The following DTNA variants were observed in gnomAD, a reference collection of about 807,000 sequenced individuals.
DTNA encodes dystrophin-related protein 3.
DTNA carries 43 observed loss-of-function variants against 100.7 expected under a neutral mutation model. The ratio of observed to expected loss-of-function variants is 0.43; its 90% CI spans 0.33 to 0.55. DTNA has a LOEUF of 0.55. Ranked by LOEUF, DTNA falls within the 20% of genes least tolerant of loss-of-function variation. The pLI is 0.04. For missense variants in DTNA, 798 were observed against 953.9 expected (o/e 0.84, Z 2.15); for synonymous variants, 349 against 347.9 (o/e 1.00, Z -0.04).
chr18:34,509,767 G>T (rs2040849626), intron 1 of DTNA, among the ~76,000 whole-genome samples: 1 of 151,894 alleles, frequency 6.6e-6, no homozygotes, highest in Non-Finnish European at 1.5e-5. Context: ...TTTTGTTTCT[G>T]TTTGATGCCT....
At chr18:34,787,394 T>G (rs928949287) in intron 3 of DTNA, among the ~76,000 whole-genome samples, 4 of 152,130 alleles carry the variant, frequency 2.6e-5, no homozygotes, top group Non-Finnish European at 5.9e-5. Context: ...AAAAAGAACA[T>G]CATGCTTAGA....
chr18:34,849,417 T>C (rs764169912), intron 14 of DTNA, among the ~76,000 whole-genome samples: 6 of 152,168 alleles, frequency 3.9e-5, no homozygotes, highest in Non-Finnish European at 7.3e-5. Flanking sequence ...TACCAAGATA[T>C]GGGATTAGCA....
intron 1 of DTNA, among the ~76,000 whole-genome samples, chr18:34,605,633 G>GCACACACACA (rs3078088): frequency 5.5e-4 from 78 of 142,330 alleles, no homozygotes; most frequent in African/African-American, 1.8e-3. Context: ...TGCAACTCAG[G>GCACACACACA]CACACACACA....
intron 1 of DTNA, among the ~76,000 whole-genome samples, chr18:34,730,346 A>T (rs1600981725): frequency 6.6e-6 from 1 of 152,212 alleles, no homozygotes; most frequent in African/African-American, 2.4e-5. Context: ...ATGTATGCAA[A>T]AGTGCTTTAA....
At chr18:34,501,209 A>C (rs1025864825) in intron 1 of DTNA, among the ~76,000 whole-genome samples, 1 of 152,220 alleles carries the variant, frequency 6.6e-6, no homozygotes, top group Non-Finnish European at 1.5e-5. Context: ...TCTTCACCAA[A>C]TGATGTGATC....
chr18:34,555,413 A>G lies in DTNA; in HGVS notation c.-2+61899A>G, dbSNP rs1233129842. ...TGATTTTAGTTATTTCTTGCCTTCT[A>G]CTAGCTTTTGAATGTGTTTGCTCTT... On this transcript the variant is annotated intron_variant, in intron 1 of 19. Transcript: ENST00000283365. 1.0e-3 allele frequency among the ~76,000 whole-genome samples: 153 copies of G among 150,924 alleles called. 4 individuals carry two copies. Among genetic ancestry groups the G allele is most frequent in the Non-Finnish European group, 3.1e-4 (21 of 67,704 alleles).
At chr18:34,855,899 G>GAGGA (rs1299991174) in intron 15 of DTNA, among the ~76,000 whole-genome samples, 2 of 152,040 alleles carry the variant, frequency 1.3e-5, no homozygotes, top group Non-Finnish European at 2.9e-5. Flanking sequence ...GGGAAAGCAG[G>GAGGA]ACTTCTTTTG....
At chr18:34,663,945 A>G (rs1377052655) in intron 1 of DTNA, among the ~76,000 whole-genome samples, 1 of 152,198 alleles carries the variant, frequency 6.6e-6, no homozygotes, top group South Asian at 2.1e-4. Flanking sequence ...AGATTTTTTT[A>G]AAAACTATAC....
At chr18:34,667,796 C>T (rs1187895894) in intron 1 of DTNA, among the ~76,000 whole-genome samples, 1 of 152,110 alleles carries the variant, frequency 6.6e-6, no homozygotes, top group Non-Finnish European at 1.5e-5. Context: ...GGTGGATAAG[C>T]TTTTTGATGT....
chr18:34,507,671 A>G lies in DTNA; in HGVS notation c.-2+14157A>G, dbSNP rs146005360. Among the ~76,000 whole-genome samples, 70 of 152,300 alleles carry G rather than the reference A, an allele frequency of 4.6e-4. No individual in the cohort carries two copies. In the East Asian group the frequency reaches 0.011, roughly 24 times the overall value. ...TTGAAATTCTCACTCTACTAGAGCA[A>G]TGGTTCTCAAAGTGTTGGCCTCAGC... On this transcript the variant is annotated intron_variant, in intron 1 of 19. Coordinates refer to the DTNA transcript ENST00000283365.
intron 1 of DTNA, among the ~76,000 whole-genome samples, chr18:34,622,312 C>T (rs528804438): frequency 6.6e-6 from 1 of 152,106 alleles, no homozygotes; most frequent in African/African-American, 2.4e-5. Flanking sequence ...GATCAGAAGC[C>T]CCCTATACGT....
Position 34,652,499 on chromosome 18 carries a change from C to A in DTNA, c.-1-103477C>A, listed in dbSNP as rs187885711. 3.2e-4 allele frequency among the ~76,000 whole-genome samples: 48 copies of A among 152,304 alleles called. 1 individual carries two copies. The highest frequency in any genetic ancestry group is 2.1e-3 in the Admixed American group (32 of 15,296). On this transcript the variant is annotated intron_variant, in intron 1 of 19. Transcript: ENST00000283365. ...ATGTTCTTCCTCAAATTTTAGAATT[C>A]AGGGAGCATTTACTGAGTAACTGGT... is the stretch of plus-strand genomic sequence containing the variant.
chr18:34,587,172 G>T (rs1001134922), intron 1 of DTNA, among the ~76,000 whole-genome samples: 34 of 151,222 alleles, frequency 2.2e-4, no homozygotes, highest in African/African-American at 8.3e-4. Flanking sequence ...TAGAGATGGG[G>T]TCTCACTATA....
At chr18:34,713,544 T>A (rs2083322242) in intron 1 of DTNA, among the ~76,000 whole-genome samples, 1 of 151,850 alleles carries the variant, frequency 6.6e-6, no homozygotes, top group African/African-American at 2.4e-5. Flanking sequence ...AGCCTTGTAG[T>A]ATAGTTTGAA....
At chr18:34,645,202 C>G (rs1002459220) in intron 1 of DTNA, among the ~76,000 whole-genome samples, 1 of 152,088 alleles carries the variant, frequency 6.6e-6, no homozygotes, top group Non-Finnish European at 1.5e-5. Context: ...TCTGGAAAAC[C>G]TTTGGCAATT....
intron 1 of DTNA, among the ~76,000 whole-genome samples, chr18:34,599,560 GAAAAGGGAAAAC>G (rs759536537): frequency 1.7e-3 from 254 of 152,192 alleles, no homozygotes; most frequent in Non-Finnish European, 3.3e-3. Context: ...TTTTGTTGTT[GAAAAGGGAAAAC>G]AAAACCCTCA....
exon 1 of DTNA, chr18:34,493,359 C>G (rs1382709093): frequency 6.6e-6 from 1 of 152,272 alleles, no homozygotes; most frequent in African/African-American, 2.4e-5. Flanking sequence ...CTGCTGTGCC[C>G]ACATGACCCA....
At chr18:34,713,411 G>A (rs10502632) in intron 1 of DTNA, among the ~76,000 whole-genome samples, 13,531 of 152,122 alleles carry the variant, frequency 0.089, 624 homozygotes, top group South Asian at 0.1. Context: ...TTCAATAAGC[G>A]ATAGAGGCTG....
At chr18:34,578,963 T>C (rs2048369644) in intron 1 of DTNA, among the ~76,000 whole-genome samples, 2 of 152,138 alleles carry the variant, frequency 1.3e-5, no homozygotes, top group African/African-American at 4.8e-5. Flanking sequence ...TTTGTTCCTG[T>C]GTTCCTTATT....
Sources: gnomAD v4.1 joint callset for allele counts (sites outside exome capture counted in the v4.1 genomes callset) on GRCh38, gnomAD v4.1.1 for gene constraint, MANE v1.5 for transcripts, NCBI Gene and HGNC (gene_info 2026-07-23, HGNC 2026-07-21) for gene names.